The following SMARCA5 variants were observed in gnomAD, a reference collection of about 807,000 sequenced individuals.
SMARCA5 encodes SNF2 related chromatin remodeling ATPase 5.
Under a neutral mutation model 140.4 loss-of-function variants are expected in SMARCA5, and 18 were observed. The ratio of observed to expected loss-of-function variants is 0.13; its 90% CI spans 0.09 to 0.19. The LOEUF (loss-of-function observed/expected upper bound fraction) is 0.19. Among genes scored for constraint, SMARCA5 ranks in the 10% least tolerant of loss-of-function variants. The probability of loss-of-function intolerance (pLI) is 1.00; values close to 1 mark genes in which losing one functional copy is unlikely to be tolerated. For missense variants in SMARCA5, 606 were observed against 1,276.8 expected, an observed-to-expected ratio of 0.47 and a Z score of 8.01; for synonymous variants, 449 against 419.6, an observed-to-expected ratio of 1.07 and a Z score of -0.86.
rs1247271180 is a variant in SMARCA5 at position 143,521,371 on chromosome 4, A to C, written c.253-58A>C. ...TGTATGGAGGCATGCTGAAACTTTG[A>C]TTTCTGAAGTTTTAATTGATACTCT... On this transcript the variant is annotated intron_variant, in intron 2 of 23. Transcript: ENST00000283131. 1.4e-5 allele frequency: 18 copies of C among 1,297,938 alleles called. 1 individual carries two copies. In the South Asian group the frequency reaches 2.2e-4, roughly 16 times the overall value. The allele number at this position is 1,297,938 out of a possible 1,614,324, so 80.4% of individuals were successfully genotyped here.
In SMARCA5 at chr4:143,555,081, AT is replaced by A. The variant is rs1737720124; in HGVS notation, c.*1899del. ...GCTAAGCTTTTGTTTCCTGGCAGTA[AT>A]TAAAATCTTCTGTCAGTGCCACAGC... is the stretch of plus-strand genomic sequence containing the variant. On this transcript the variant is annotated 3_prime_UTR_variant, in exon 24 of 24. Coordinates refer to ENST00000283131, the MANE Select transcript of SMARCA5 (RefSeq NM_003601.4). The A allele has an allele frequency of 1.6e-6, 1 of 618,066 alleles. No individual in the cohort carries two copies. The highest frequency in any genetic ancestry group is 1.8e-5 in the African/African-American group (1 of 55,504). The allele number at this position is 618,066 out of a possible 1,614,324, so 38.3% of individuals were successfully genotyped here. A position where few individuals can be genotyped will look rare whatever the true frequency, so the allele number is the denominator to read the frequency against.
Position 143,527,810 on chromosome 4 carries a change from G to C in SMARCA5, c.802-58G>C, listed in dbSNP as rs1006505547. 1.9e-4 allele frequency: 268 copies of C among 1,423,734 alleles called. 6 individuals are homozygous for C. The South Asian group carries it at 2.9e-3, about 16-fold the overall frequency. 88.2% of individuals were successfully genotyped at this position (1,423,734 alleles called of 1,614,324 possible). ...TTATATACTAGATTACTTGTCATCA[G>C]TAAATGTAATGCGTAGTTTATTTCT... On this transcript the variant is annotated intron_variant, in intron 6 of 23. Coordinates refer to ENST00000283131, the MANE Select transcript of SMARCA5 (RefSeq NM_003601.4).
chr4:143,541,944 G>A lies in SMARCA5; in HGVS notation c.1903+1449G>A, dbSNP rs1737436838. Among the ~76,000 whole-genome samples, 6 of 151,250 alleles carry A rather than the reference G, an allele frequency of 4.0e-5. No homozygotes were observed. In the South Asian group the frequency reaches 1.0e-3, roughly 26 times the overall value. On this transcript the variant is annotated intron_variant, in intron 14 of 23. Transcript: ENST00000283131. ...ACGATCTCGGCTCACTGCAACCTCC[G>A]CTTCCTGGGTTCAAGCAATTCTGCT...
In SMARCA5 at chr4:143,556,953, A is replaced by G. The variant is rs1737772464; in HGVS notation, c.*3769A>G. On this transcript the variant is annotated 3_prime_UTR_variant, in exon 24 of 24. Transcript: ENST00000283131. ...TAAATGAAAAAAATGAAGAAGTGGA[A>G]TAGTTTCTCCACAGGCATAAGAGGC... 1 of 152,256 alleles carries G rather than the reference A, an allele frequency of 6.6e-6. No individual in the cohort carries two copies. The highest frequency in any genetic ancestry group is 6.5e-5 in the Admixed American group (1 of 15,290). The allele number at this position is 152,256 out of a possible 1,614,324, so 9.4% of individuals were successfully genotyped here.
chr4:143,546,405 C>G (rs1737527161), intron 19 of SMARCA5, among the ~76,000 whole-genome samples: 1 of 152,218 alleles, frequency 6.6e-6, no homozygotes, highest in Admixed American at 6.5e-5. Context: ...CAAGGTCTTT[C>G]AGAATCTGGC....
chr4:143,520,948 A>AT, intron 2 of SMARCA5, among the ~76,000 whole-genome samples: 1 of 152,204 alleles, frequency 6.6e-6, no homozygotes, highest in Non-Finnish European at 1.5e-5. Context: ...TGAGCACTGC[A>AT]TTTTTTCCAG....
chr4:143,523,587 G>T (rs1217620958), intron 3 of SMARCA5, among the ~76,000 whole-genome samples: 1 of 152,150 alleles, frequency 6.6e-6, no homozygotes, highest in Admixed American at 6.5e-5. Context: ...TACTGATTAT[G>T]ATTAGAAGCA....
At chr4:143,531,493 T>C (rs1306409833) in intron 9 of SMARCA5, among the ~76,000 whole-genome samples, 4 of 152,208 alleles carry the variant, frequency 2.6e-5, no homozygotes, top group Admixed American at 2.0e-4. Flanking sequence ...TCTGGGTATA[T>C]CTGAGAGGGG....
chr4:143,520,413 T>C (rs1485437360), intron 2 of SMARCA5, among the ~76,000 whole-genome samples: 1 of 152,230 alleles, frequency 6.6e-6, no homozygotes, highest in Non-Finnish European at 1.5e-5. Flanking sequence ...CAGATTCATT[T>C]GCTGCTATGA....
intron 13 of SMARCA5, among the ~76,000 whole-genome samples, chr4:143,540,155 A>G (rs540457167): frequency 2.6e-5 from 4 of 152,324 alleles, no homozygotes; most frequent in African/African-American, 9.6e-5. Flanking sequence ...TAAAAATTAT[A>G]ATGTTGTATA....
At chr4:143,549,522 C>A (rs985785824) in intron 22 of SMARCA5, among the ~76,000 whole-genome samples, 1 of 152,010 alleles carries the variant, frequency 6.6e-6, no homozygotes, top group Non-Finnish European at 1.5e-5. Flanking sequence ...GGCTGGTTTT[C>A]CAAAATTGGG....
chr4:143,543,219 A>G (rs541308569), intron 14 of SMARCA5, among the ~76,000 whole-genome samples: 3 of 152,146 alleles, frequency 2.0e-5, no homozygotes, highest in Non-Finnish European at 2.9e-5. Flanking sequence ...AGGTTTTTGA[A>G]AATTTTTCAT....
intron 16 of SMARCA5, 80 bp downstream of exon 16, chr4:143,544,052 TTATA>T: frequency 8.9e-7 from 1 of 1,123,752 alleles, no homozygotes; most frequent in African/African-American, 1.6e-5. Context: ...CTGTAATGTC[TTATA>T]ATTTTGCTTA....
At chr4:143,549,556 C>G (rs1255503683) in intron 22 of SMARCA5, among the ~76,000 whole-genome samples, 1 of 152,100 alleles carries the variant, frequency 6.6e-6, no homozygotes, top group Non-Finnish European at 1.5e-5. Context: ...GATTGATTGA[C>G]TACCATAATT....
chr4:143,527,828 T>G (rs369184525), intron 6 of SMARCA5, 40 bp from the exon 7 acceptor site: 255 of 1,550,944 alleles, frequency 1.6e-4, no homozygotes, highest in Middle Eastern at 8.5e-4. Context: ...AATGCGTAGT[T>G]TATTTCTACG....
intron 6 of SMARCA5, 42 bp from the exon 7 acceptor site, chr4:143,527,826 G>C: frequency 1.3e-6 from 2 of 1,549,562 alleles, no homozygotes; most frequent in Non-Finnish European, 1.7e-6. Flanking sequence ...GTAATGCGTA[G>C]TTTATTTCTA....
chr4:143,538,995 G>A, intron 13 of SMARCA5, 57 bp downstream of exon 13: 1 of 1,447,116 alleles, frequency 6.9e-7, no homozygotes, highest in Non-Finnish European at 9.5e-7. Context: ...AGTTAGGACA[G>A]GCTAATTCTA....
At chr4:143,526,511 C>A in intron 6 of SMARCA5, 51 bp downstream of exon 6, 1 of 1,291,898 alleles carries the variant, frequency 7.7e-7, no homozygotes, top group Non-Finnish European at 1.1e-6. Flanking sequence ...AATTTGAATT[C>A]AGGCTTGGGT....
chr4:143,535,589 A>G (rs776953860), intron 10 of SMARCA5, among the ~76,000 whole-genome samples: 28 of 152,146 alleles, frequency 1.8e-4, no homozygotes, highest in Admixed American at 6.5e-5. Context: ...AAAACTTCTG[A>G]AAGGGTAGCA....
Sources: gnomAD v4.1 joint callset for allele counts (sites outside exome capture counted in the v4.1 genomes callset) on GRCh38, gnomAD v4.1.1 for gene constraint, MANE v1.5 for transcripts, NCBI Gene and HGNC (gene_info 2026-07-23, HGNC 2026-07-21) for gene names.